HLCS: variants seen among roughly 807,000 people sequenced by gnomAD.
HLCS encodes holocarboxylase synthetase.
HLCS carries 53 observed loss-of-function variants against 75.0 expected under a neutral mutation model. That is an observed-to-expected ratio of 0.71 (90% CI 0.57 to 0.89). The LOEUF is 0.89. Among genes scored for constraint, HLCS ranks in the 40% least tolerant of loss-of-function variants. The pLI is 0.00. For missense variants in HLCS, 966 were observed against 1,074.0 expected (o/e 0.90, Z 1.41); for synonymous variants, 431 against 428.6 (o/e 1.01, Z -0.07).
At position 36,933,169 on chromosome 21, in the gene HLCS, A is replaced by G. The variant is rs142369556; in HGVS notation, c.1438-2736T>C. On this transcript the variant is annotated intron_variant, in intron 4 of 10. Coordinates refer to ENST00000674895, the MANE Select transcript of HLCS (RefSeq NM_001352514.2). ...GAAAAGGTCTGCAGGGCACCGTCCA[A>G]CATGGTCCCCAAACCACAGCTGATT... is the stretch of plus-strand genomic sequence containing the variant. Among the ~76,000 whole-genome samples the G allele has an allele frequency of 1.2e-3, 188 of 152,270 alleles. 1 individual carries two copies. Among genetic ancestry groups the G allele is most frequent in the Non-Finnish European group, 2.3e-3 (154 of 68,010 alleles).
At chr21:36,754,649 T>G (rs1195331214) in intron 10 of HLCS, among the ~76,000 whole-genome samples, 1 of 152,198 alleles carries the variant, frequency 6.6e-6, no homozygotes, top group African/African-American at 2.4e-5. Context: ...GAGTCGAAAT[T>G]TCTTCACACA....
At chr21:36,935,048 T>G (rs2066816716) in intron 4 of HLCS, among the ~76,000 whole-genome samples, 1 of 152,194 alleles carries the variant, frequency 6.6e-6, no homozygotes, top group Non-Finnish European at 1.5e-5. Flanking sequence ...GCTATGTAAC[T>G]CGGAGAAATG....
chr21:36,778,050 G>A (rs1439786788), intron 6 of HLCS, among the ~76,000 whole-genome samples: 1 of 151,708 alleles, frequency 6.6e-6, no homozygotes, highest in African/African-American at 2.4e-5. Context: ...CTCACTGCAA[G>A]CTCCACCTCC....
chr21:36,915,596 C>T (rs58687673), intron 5 of HLCS, among the ~76,000 whole-genome samples: 2 of 152,214 alleles, frequency 1.3e-5, no homozygotes, highest in Non-Finnish European at 2.9e-5. Context: ...AGGCCACGGT[C>T]TAAGAAGCTC....
chr21:36,888,448 ATATATATAT>A (rs1569149604), intron 6 of HLCS, among the ~76,000 whole-genome samples: 997 of 26,488 alleles, frequency 0.038, 79 homozygotes, highest in Admixed American at 0.047. Context: ...AAAAAAAAAT[ATATATATAT>A]ATATATATAT....
At chr21:36,857,008 A>C (rs954053483) in intron 6 of HLCS, among the ~76,000 whole-genome samples, 3 of 152,236 alleles carry the variant, frequency 2.0e-5, no homozygotes, top group Non-Finnish European at 4.4e-5. Context: ...AAAGTCACGC[A>C]TGTCCATTGC....
chr21:36,927,387 C>T (rs1013940543), intron 5 of HLCS, among the ~76,000 whole-genome samples: 9 of 152,216 alleles, frequency 5.9e-5, no homozygotes, highest in African/African-American at 1.2e-4. Context: ...GTCGCTGAGG[C>T]GAGTGTTTTT....
chr21:36,837,871 G>C (rs1042786987), intron 6 of HLCS, among the ~76,000 whole-genome samples: 2 of 152,030 alleles, frequency 1.3e-5, no homozygotes, highest in African/African-American at 4.8e-5. Context: ...AGCGGAGAGG[G>C]GAAGAAATGG....
chr21:36,827,812 TC>T (rs2062058976), intron 6 of HLCS, among the ~76,000 whole-genome samples: 1 of 133,028 alleles, frequency 7.5e-6, no homozygotes, highest in Non-Finnish European at 1.6e-5. Flanking sequence ...TCTTTTTCTT[TC>T]TTTCTTTTTT....
In HLCS at chr21:36,752,656, T is replaced by A. The variant is rs573958407; in HGVS notation, c.*1590A>T. The A allele has an allele frequency of 6.5e-6, 1 of 152,778 alleles. No individual in the cohort carries two copies. The highest frequency in any genetic ancestry group is 2.4e-5 in the African/African-American group (1 of 41,580). The allele number at this position is 152,778 out of a possible 1,614,324, so 9.5% of individuals were successfully genotyped here. ...GTTTTTTTTGTGTTTTTTGTTTGTTTGTTTTTTGAGAAAAATAATTCTAAT... is the reference window on the plus strand; with the variant it reads ...GTTTTTTTTGTGTTTTTTGTTTGTTAGTTTTTTGAGAAAAATAATTCTAAT... On this transcript the variant is annotated 3_prime_UTR_variant, in exon 11 of 11. Coordinates refer to ENST00000674895, the MANE Select transcript of HLCS (RefSeq NM_001352514.2).
intron 1 of HLCS, among the ~76,000 whole-genome samples, chr21:36,963,844 T>G (rs981419042): frequency 2.4e-4 from 37 of 152,268 alleles, no homozygotes; most frequent in Non-Finnish European, 1.3e-4. Context: ...AAACTGTCTT[T>G]GGTTAAACTT....
intron 6 of HLCS, among the ~76,000 whole-genome samples, chr21:36,852,813 A>C (rs1323389925): frequency 2.0e-5 from 3 of 152,040 alleles, no homozygotes. Flanking sequence ...TCCCTCAGAC[A>C]CAGGACCCCG....
At chr21:36,906,065 C>CA (rs1010181849) in intron 5 of HLCS, among the ~76,000 whole-genome samples, 14 of 130,786 alleles carry the variant, frequency 1.1e-4, no homozygotes, top group African/African-American at 3.6e-4. Context: ...AAAAAAAAAA[C>CA]AAAACAAAAA....
chr21:36,887,754 T>A (rs1003667264), intron 6 of HLCS, among the ~76,000 whole-genome samples: 4 of 152,246 alleles, frequency 2.6e-5, no homozygotes, highest in African/African-American at 9.6e-5. Flanking sequence ...GTGCTAATTA[T>A]CCCAAGCAAT....
At chr21:36,769,728 C>T (rs1354956312) in intron 6 of HLCS, among the ~76,000 whole-genome samples, 1 of 152,220 alleles carries the variant, frequency 6.6e-6, no homozygotes, top group Admixed American at 6.5e-5. Flanking sequence ...AGCCTCCTGA[C>T]CACTTTGGTT....
chr21:36,927,134 C>G (rs1168628606), intron 5 of HLCS, among the ~76,000 whole-genome samples: 5 of 152,252 alleles, frequency 3.3e-5, no homozygotes, highest in Admixed American at 6.5e-5. Flanking sequence ...TTGCTGAGAC[C>G]CAAATTTCAA....
chr21:36,901,558 C>T (rs1249969258), intron 5 of HLCS, among the ~76,000 whole-genome samples: 1 of 152,210 alleles, frequency 6.6e-6, no homozygotes, highest in Non-Finnish European at 1.5e-5. Context: ...GGCCGTGCCT[C>T]CTGGGAAGGC....
At chr21:36,983,063 ACT>A (rs1446988378) in intron 1 of HLCS, among the ~76,000 whole-genome samples, 1 of 151,850 alleles carries the variant, frequency 6.6e-6, no homozygotes, top group Non-Finnish European at 1.5e-5. Context: ...AAACAAAAAA[ACT>A]CTGGCGTAAG....
chr21:36,811,263 T>C (rs534289429), intron 6 of HLCS, among the ~76,000 whole-genome samples: 1 of 152,374 alleles, frequency 6.6e-6, no homozygotes, highest in East Asian at 1.9e-4. Flanking sequence ...CACCCTTTCA[T>C]GGTACAGCTG....
Sources: gnomAD v4.1 joint callset for allele counts (sites outside exome capture counted in the v4.1 genomes callset) on GRCh38, gnomAD v4.1.1 for gene constraint, MANE v1.5 for transcripts, NCBI Gene and HGNC (gene_info 2026-07-23, HGNC 2026-07-21) for gene names.